Variants in RPTOR observed in about 807,000 individuals in gnomAD.
The protein encoded by RPTOR is regulatory-associated protein of mTOR.
A neutral mutation model predicts 169.9 loss-of-function variants in RPTOR; 21 were observed. That is an observed-to-expected ratio of 0.12 (90% CI 0.09 to 0.18). RPTOR has a LOEUF of 0.18. Ranked by LOEUF, RPTOR falls within the 10% of genes least tolerant of loss-of-function variation. The pLI is 1.00. For missense variants in RPTOR, 1,133 were observed against 1,855.9 expected (o/e 0.61, Z 7.16); for synonymous variants, 732 against 753.2 (o/e 0.97, Z 0.46).
intron 20 of RPTOR, 32 bp from the exon 21 acceptor site, chr17:80,908,779 C>A: frequency 6.6e-7 from 1 of 1,524,498 alleles, no homozygotes; most frequent in South Asian, 1.1e-5. Context: ...CAGCTACTTT[C>A]CACTAAAACA....
intron 7 of RPTOR, chr17:80,802,117 T>C (rs1161606348): frequency 6.6e-6 from 1 of 152,220 alleles, no homozygotes; most frequent in African/African-American, 2.4e-5. Context: ...AGGGGGAATG[T>C]GAGAGGTTCA....
chr17:80,923,989 C>A, intron 23 of RPTOR: 1 of 396,378 alleles, frequency 2.5e-6, no homozygotes, highest in Non-Finnish European at 4.5e-6. Flanking sequence ...GGGCAGCTTC[C>A]ATGTAACGAA....
In RPTOR at chr17:80,942,239, G is replaced by A. The variant is rs117709535; in HGVS notation, c.3025+1638G>A. Among the ~76,000 whole-genome samples the A allele has an allele frequency of 1.3e-3, 191 of 151,824 alleles. 7 individuals carry two copies. In the East Asian group the frequency reaches 0.036, roughly 28 times the overall value. Reference sequence around the variant, plus strand: ...CTGGGATGGCCAGCACACGGGGGCTGCCTGCTGCCTGAGACAGGCTTGGGA... The same window carrying A: ...CTGGGATGGCCAGCACACGGGGGCTACCTGCTGCCTGAGACAGGCTTGGGA... On this transcript the variant is annotated intron_variant, in intron 25 of 33. Coordinates refer to ENST00000306801, the MANE Select transcript of RPTOR (RefSeq NM_020761.3).
At chr17:80,920,829 A>G (rs1346353645) in intron 21 of RPTOR, among the ~76,000 whole-genome samples, 1 of 152,210 alleles carries the variant, frequency 6.6e-6, no homozygotes, top group African/African-American at 2.4e-5. Context: ...GGCACATATA[A>G]AGTTCACAGT....
At chr17:80,671,248 C>T (rs1185237741) in intron 3 of RPTOR, among the ~76,000 whole-genome samples, 1 of 152,188 alleles carries the variant, frequency 6.6e-6, no homozygotes, top group Non-Finnish European at 1.5e-5. Flanking sequence ...CAGCCGATGG[C>T]CTTTCCTCCA....
chr17:80,753,887 C>T, intron 5 of RPTOR, 123 bp from the exon 6 acceptor site: 2 of 904,210 alleles, frequency 2.2e-6, no homozygotes, highest in Non-Finnish European at 3.5e-6. Context: ...AGAGGACTTT[C>T]CAGTGAAAAC....
At chr17:80,938,253 G>A (rs1325905522) in intron 24 of RPTOR, among the ~76,000 whole-genome samples, 1 of 152,208 alleles carries the variant, frequency 6.6e-6, no homozygotes, top group East Asian at 1.9e-4. Flanking sequence ...AGGCTCTGAA[G>A]CCGCCCCATT....
chr17:80,813,280 A>T (rs1403100405), intron 7 of RPTOR, among the ~76,000 whole-genome samples: 2 of 152,244 alleles, frequency 1.3e-5, no homozygotes, highest in African/African-American at 4.8e-5. Context: ...TATCACAGGA[A>T]TGCACGTTTC....
chr17:80,853,509 G>A (rs1351709376), intron 11 of RPTOR, among the ~76,000 whole-genome samples: 1 of 152,152 alleles, frequency 6.6e-6, no homozygotes, highest in African/African-American at 2.4e-5. Context: ...GGGTGAGGTG[G>A]TCCCTACTGT....
rs1309835552 is a variant in RPTOR, at chr17:80,957,822, A to G, written c.3477+92A>G. On this transcript the variant is annotated intron_variant, in intron 29 of 33. Transcript: ENST00000306801. The surrounding 1 kb of genome is among the most constrained non-coding windows in gnomAD (Gnocchi z 4.6). Reference sequence around the variant, plus strand: ...ACAGAACCCAGCAAAGTGTGCGGTGAGGCCTGGCCATCCCAGGGGTGGAGT... The same window carrying G: ...ACAGAACCCAGCAAAGTGTGCGGTGGGGCCTGGCCATCCCAGGGGTGGAGT... 1 of 1,171,086 alleles carries G rather than the reference A, an allele frequency of 8.5e-7. No homozygotes were observed. The highest frequency in any genetic ancestry group is 1.5e-5 in the African/African-American group (1 of 66,592). The allele number at this position is 1,171,086 out of a possible 1,614,324, so 72.5% of individuals were successfully genotyped here.
chr17:80,743,792 TACTAGCACAGCCCTGGCTACTAGCAGAGC>T, intron 5 of RPTOR, among the ~76,000 whole-genome samples: 1 of 128,004 alleles, frequency 7.8e-6, no homozygotes, highest in Non-Finnish European at 1.7e-5. Flanking sequence ...GAGCCCTGGC[TACTAGCACAGCCCTGGCTACTAGCAGAGC>T]CCTGGCTACT....
intron 14 of RPTOR, among the ~76,000 whole-genome samples, chr17:80,880,997 A>C (rs1376545444): frequency 1.3e-5 from 2 of 152,240 alleles, no homozygotes; most frequent in Non-Finnish European, 2.9e-5. Flanking sequence ...ATTGTTTGAA[A>C]ATTAGTAATC....
At chr17:80,773,176 G>A (rs1470849949) in intron 6 of RPTOR, among the ~76,000 whole-genome samples, 1 of 152,216 alleles carries the variant, frequency 6.6e-6, no homozygotes, top group East Asian at 1.9e-4. Context: ...CCCGGGAGCG[G>A]CACCACCACT....
At chr17:80,924,436 C>T (rs2068786866) in intron 23 of RPTOR, among the ~76,000 whole-genome samples, 1 of 152,128 alleles carries the variant, frequency 6.6e-6, no homozygotes, top group South Asian at 2.1e-4. Context: ...TTAGCGGCCG[C>T]CTTGCAGGAT....
intron 6 of RPTOR, among the ~76,000 whole-genome samples, chr17:80,778,667 G>T (rs2066912285): frequency 6.6e-6 from 1 of 152,110 alleles, no homozygotes; most frequent in African/African-American, 2.4e-5. Context: ...CTGGTATGGT[G>T]GTGCGCCTAT....
At chr17:80,669,674 C>T (rs369354687) in intron 3 of RPTOR, among the ~76,000 whole-genome samples, 31 of 152,234 alleles carry the variant, frequency 2.0e-4, no homozygotes, top group African/African-American at 7.5e-4. Flanking sequence ...TGCGCCACCG[C>T]GCCCGGCCCA....
intron 16 of RPTOR, 42 bp downstream of exon 16, chr17:80,884,014 C>T (rs775319858): frequency 3.2e-6 from 5 of 1,581,454 alleles, no homozygotes; most frequent in Non-Finnish European, 4.3e-6. Flanking sequence ...TCCTGGCTGC[C>T]GACTGCGGGG....
chr17:80,869,198 C>T (rs1037601620), intron 13 of RPTOR, among the ~76,000 whole-genome samples: 2 of 152,144 alleles, frequency 1.3e-5, no homozygotes, highest in African/African-American at 2.4e-5. Context: ...CTCACTCTGT[C>T]GCCCAGGCTG....
At chr17:80,882,347 C>T (rs2068194867) in intron 14 of RPTOR, among the ~76,000 whole-genome samples, 1 of 152,196 alleles carries the variant, frequency 6.6e-6, no homozygotes, top group South Asian at 2.1e-4. Flanking sequence ...CAAATTCGTA[C>T]ATAGACGCAT....
Sources: gnomAD v4.1 joint callset for allele counts (sites outside exome capture counted in the v4.1 genomes callset) on GRCh38, gnomAD v4.1.1 for gene constraint, Gnocchi (gnomAD v3.1) non-coding constraint, MANE v1.5 for transcripts, NCBI Gene and HGNC (gene_info 2026-07-23, HGNC 2026-07-21) for gene names.